CCDC88A: variants seen among roughly 807,000 people sequenced by gnomAD.
The protein encoded by CCDC88A is girdin.
Under a neutral mutation model 234.3 loss-of-function variants are expected in CCDC88A, and 54 were observed. The observed-to-expected ratio is 0.23, with a 90% confidence interval of 0.19 to 0.29. CCDC88A has a LOEUF of 0.29. Ranked by LOEUF, CCDC88A falls within the 10% of genes least tolerant of loss-of-function variation. The probability of loss-of-function intolerance (pLI) is 1.00; values close to 1 mark genes in which losing one functional copy is unlikely to be tolerated. For synonymous variants in CCDC88A, 753 were observed against 737.8 expected, an observed-to-expected ratio of 1.02 and a Z score of -0.33; for missense variants, 1,832 against 2,123.4, an observed-to-expected ratio of 0.86 and a Z score of 2.70.
In CCDC88A at chr2:55,317,649, C is replaced by G; in HGVS notation, c.3517G>C (p.Glu1173Gln). The part of the protein sequence containing the change: ...LELLHERQAS[E>Q]YESLISKHGT... ...TGTTTAGAGATAAGAGATTCATACT[C>G]TGAAGCCTGACGTTCATGAAGAAGT... is the stretch of plus-strand genomic sequence containing the variant. The change falls in exon 20 of 33, where the codon GAG becomes CAG. Residue 1173 changes from glutamate (E) to glutamine (Q), a missense_variant. Glu to Gln is a conservative substitution (Grantham distance 29, BLOSUM62 2). This residue lies in a region of CCDC88A where 1,282 missense variants were observed against 1,543.6 expected (regional missense o/e 0.83). Coordinates refer to ENST00000436346, the MANE Select transcript of CCDC88A (RefSeq NM_001365480.1). This position sits in a 1 kb window ranked among gnomAD's most constrained non-coding sequence, Gnocchi z 4.2. 1 of 1,613,252 alleles carries G rather than the reference C, an allele frequency of 6.2e-7. No homozygotes were observed. The highest frequency in any genetic ancestry group is 8.5e-7 in the Non-Finnish European group (1 of 1,179,378).
Position 55,347,606 on chromosome 2 carries a change from C to CTTTTTTTTTTTTTTTTTTTTT in CCDC88A, c.883-1274_883-1273insAAAAAAAAAAAAAAAAAAAAA, listed in dbSNP as rs547733323. On this transcript the variant is annotated intron_variant, in intron 9 of 32. Coordinates refer to ENST00000436346, the MANE Select transcript of CCDC88A (RefSeq NM_001365480.1). ...ATACCTATGTTATCTATTCATCTAC[C>CTTTTTTTTTTTTTTTTTTTTT]TTTTTTTTTTTTTTTTTTTTGAGAC... is the stretch of plus-strand genomic sequence containing the variant. Among the ~76,000 whole-genome samples, 13 of 102,136 alleles carry CTTTTTTTTTTTTTTTTTTTTT rather than the reference C, an allele frequency of 1.3e-4. 1 individual carries two copies. The highest frequency in any genetic ancestry group is 4.8e-4 in the East Asian group (1 of 2,086). 67.0% of individuals were successfully genotyped at this position (102,136 alleles called of 152,430 possible).
chr2:55,387,692 G>C (rs1183697738), intron 3 of CCDC88A, among the ~76,000 whole-genome samples: 1 of 143,978 alleles, frequency 6.9e-6, no homozygotes, highest in East Asian at 2.1e-4. Flanking sequence ...TGAGGCAGGA[G>C]AATCGCTTGA....
chr2:55,298,170 C>T (rs904999970), intron 29 of CCDC88A, among the ~76,000 whole-genome samples: 2 of 151,950 alleles, frequency 1.3e-5, no homozygotes, highest in African/African-American at 4.8e-5. Context: ...TACATCAAAA[C>T]AGAAAATGCA....
intron 9 of CCDC88A, chr2:55,348,584 T>C (rs1307819228): frequency 6.6e-6 from 1 of 152,196 alleles, no homozygotes; most frequent in African/African-American, 2.4e-5. Flanking sequence ...GACTTAAGTT[T>C]TTAAAACTTC....
intron 5 of CCDC88A, among the ~76,000 whole-genome samples, chr2:55,371,066 A>G (rs2104817142): frequency 6.6e-6 from 1 of 152,290 alleles, no homozygotes; most frequent in East Asian, 1.9e-4. Flanking sequence ...AATCAGCAAT[A>G]ACCACCAAGC....
intron 25 of CCDC88A, chr2:55,308,388 A>G (rs1366985572): frequency 6.4e-6 from 1 of 155,290 alleles, no homozygotes; most frequent in Non-Finnish European, 1.4e-5. Context: ...CCATCAAAGT[A>G]TATGAGCAGA....
chr2:55,306,824 C>T (rs1234576729), intron 25 of CCDC88A, among the ~76,000 whole-genome samples: 1 of 152,182 alleles, frequency 6.6e-6, no homozygotes, highest in Non-Finnish European at 1.5e-5. Flanking sequence ...GATCTGCCCG[C>T]CTCAGCCTCC....
intron 3 of CCDC88A, among the ~76,000 whole-genome samples, chr2:55,384,550 T>C (rs867189198): frequency 0.022 from 1,482 of 67,456 alleles, 488 homozygotes; most frequent in African/African-American, 0.12. Flanking sequence ...CGTATATATG[T>C]GTATATATAC....
chr2:55,384,348 G>A lies in CCDC88A; in HGVS notation c.273+4430C>T, dbSNP rs1156842171. ...TCAAAAAAAAAAAAAATCCAGAAGT[G>A]TATATATATTCAGGTGATAACAGTG... On this transcript the variant is annotated intron_variant, in intron 3 of 32. Coordinates refer to ENST00000436346, the MANE Select transcript of CCDC88A (RefSeq NM_001365480.1). Among the ~76,000 whole-genome samples, 2 of 146,506 alleles carry A rather than the reference G, an allele frequency of 1.4e-5. 1 individual carries two copies. Among genetic ancestry groups the A allele is most frequent in the Non-Finnish European group, 3.0e-5 (2 of 66,650 alleles).
intron 3 of CCDC88A, among the ~76,000 whole-genome samples, chr2:55,384,190 T>TC (rs1194988562): frequency 4.0e-5 from 6 of 149,620 alleles, no homozygotes; most frequent in African/African-American, 1.5e-4. Context: ...AATCAATCAA[T>TC]AAAAAATGTA....
intron 3 of CCDC88A, among the ~76,000 whole-genome samples, chr2:55,387,550 G>T (rs1387262418): frequency 6.6e-6 from 1 of 152,116 alleles, no homozygotes; most frequent in East Asian, 1.9e-4. Flanking sequence ...GGGAGGCTGA[G>T]GGGGGCAGAT....
At chr2:55,394,596 G>C (rs149305491) in intron 2 of CCDC88A, 2 of 138,616 alleles carry the variant, frequency 1.4e-5, no homozygotes, top group East Asian at 4.3e-4. Flanking sequence ...AGCACCTGTT[G>C]TTTCTTGACT....
Position 55,322,647 on chromosome 2 carries a change from T to C in CCDC88A, c.3043A>G (p.Arg1015Gly). The C allele has an allele frequency of 1.3e-6, 2 of 1,579,594 alleles. No homozygotes were observed. The highest frequency in any genetic ancestry group is 1.2e-5 in the South Asian group (1 of 81,988). ...EALKQRQDEERMVQSSPPISG... is the reference protein window; with the variant it reads ...EALKQRQDEEGMVQSSPPISG... ...ATTGGAGGAGAGCTCTGTACCATCCTTTCCTCATCTTGTCTCTGTTTGAGA... is the reference window on the plus strand; with the variant it reads ...ATTGGAGGAGAGCTCTGTACCATCCCTTCCTCATCTTGTCTCTGTTTGAGA... The change falls in exon 18 of 33, where the codon AGG becomes GGG. Residue 1015 changes from arginine (R) to glycine (G), a missense_variant. Coordinates refer to ENST00000436346, the MANE Select transcript of CCDC88A (RefSeq NM_001365480.1).
chr2:55,299,288 T>C (rs1020896213), intron 29 of CCDC88A, among the ~76,000 whole-genome samples: 3 of 152,182 alleles, frequency 2.0e-5, no homozygotes, highest in Non-Finnish European at 4.4e-5. Flanking sequence ...TCCAGACATT[T>C]ACTTAAATAC....
intron 29 of CCDC88A, among the ~76,000 whole-genome samples, chr2:55,299,460 T>C (rs922458980): frequency 6.6e-6 from 1 of 152,162 alleles, no homozygotes; most frequent in African/African-American, 2.4e-5. Context: ...GTGGATAAAT[T>C]AAGCCAAACA....
chr2:55,413,150 G>A (rs1308055646), intron 2 of CCDC88A, among the ~76,000 whole-genome samples: 4 of 152,208 alleles, frequency 2.6e-5, no homozygotes, highest in Admixed American at 2.6e-4. Context: ...TGAGGTTGCA[G>A]TGGGTTGCGA....
At chr2:55,310,043 TTAGA>T (rs1334735403) in intron 23 of CCDC88A, among the ~76,000 whole-genome samples, 5 of 152,174 alleles carry the variant, frequency 3.3e-5, no homozygotes, top group African/African-American at 9.7e-5. Flanking sequence ...AAGGCCATTA[TTAGA>T]TAGGCTGAAA....
At chr2:55,388,272 C>T (rs775198269) in intron 3 of CCDC88A, among the ~76,000 whole-genome samples, 2 of 151,994 alleles carry the variant, frequency 1.3e-5, no homozygotes, top group East Asian at 1.9e-4. Flanking sequence ...CTAAGTAACT[C>T]GTAAGTGAAA....
chr2:55,301,099 G>A (rs1021706955), intron 28 of CCDC88A, 107 bp downstream of exon 28: 56 of 688,046 alleles, frequency 8.1e-5, no homozygotes, highest in Non-Finnish European at 3.1e-5. Flanking sequence ...GCAGGATAGA[G>A]AAAACATGCT....
Sources: gnomAD v4.1 joint callset for allele counts (sites outside exome capture counted in the v4.1 genomes callset) on GRCh38, gnomAD v4.1.1 for gene constraint, gnomAD v4.1.1 regional missense constraint, Gnocchi (gnomAD v3.1) non-coding constraint, MANE v1.5 for transcripts, NCBI Gene and HGNC (gene_info 2026-07-23, HGNC 2026-07-21) for gene names.